MYH16: variants seen among roughly 807,000 people sequenced by gnomAD.
MYH16 encodes the protein myosin heavy chain 16, also known as putative uncharacterized protein MYH16.
intron 17 of MYH16, among the ~76,000 whole-genome samples, chr7:99,265,843 T>C (rs369705196): frequency 3.9e-5 from 6 of 152,154 alleles, no homozygotes; most frequent in South Asian, 4.1e-4. Flanking sequence ...TCAGAAGAGA[T>C]TGGGCATGTT....
At chr7:99,295,064 G>A (rs965995793) in intron 33 of MYH16, among the ~76,000 whole-genome samples, 6 of 151,738 alleles carry the variant, frequency 4.0e-5, no homozygotes, top group Non-Finnish European at 7.4e-5. Flanking sequence ...GTCACAAGCA[G>A]GGTAAAATTT....
At chr7:99,269,555 C>A (rs1015147317) in intron 18 of MYH16, among the ~76,000 whole-genome samples, 2 of 152,170 alleles carry the variant, frequency 1.3e-5, no homozygotes, top group Non-Finnish European at 2.9e-5. Flanking sequence ...GGATTACAGG[C>A]ATAAGCCACA....
At chr7:99,293,005 G>A (rs891024975) in intron 32 of MYH16, among the ~76,000 whole-genome samples, 1 of 152,008 alleles carries the variant, frequency 6.6e-6, no homozygotes, top group Non-Finnish European at 1.5e-5. Context: ...GAGGAAATAA[G>A]GGGGGACATG....
chr7:99,295,383 A>G (rs1452568242), intron 33 of MYH16, among the ~76,000 whole-genome samples: 1 of 152,024 alleles, frequency 6.6e-6, no homozygotes, highest in East Asian at 1.9e-4. Context: ...GCTCCAAAAA[A>G]AAAAGAAAAG....
At chr7:99,271,128 G>A (rs1792041237) in intron 19 of MYH16, 1 of 152,644 alleles carries the variant, frequency 6.6e-6, no homozygotes. Context: ...AAGGCCCAGA[G>A]GAGCCACACG....
chr7:99,268,784 A>T (rs1792016698), intron 18 of MYH16, among the ~76,000 whole-genome samples: 1 of 152,218 alleles, frequency 6.6e-6, no homozygotes, highest in African/African-American at 2.4e-5. Context: ...TTATGACATC[A>T]AGCCTGATTT....
At chr7:99,284,931 AC>A (rs1792257089) in exon 26 of MYH16, 3 of 456,576 alleles carry the variant, frequency 6.6e-6, no homozygotes, top group South Asian at 4.6e-5. Context: ...CTGAAGGAGC[AC>A]CAGGTATGTC....
intron 33 of MYH16, among the ~76,000 whole-genome samples, chr7:99,294,550 A>G (rs1227003345): frequency 1.6e-5 from 2 of 121,878 alleles, no homozygotes; most frequent in Non-Finnish European, 3.1e-5. Flanking sequence ...AAAAAGAAAA[A>G]AAAAATATAT....
intron 6 of MYH16, among the ~76,000 whole-genome samples, chr7:99,251,650 A>G (rs1032847502): frequency 1.3e-5 from 2 of 152,144 alleles, no homozygotes; most frequent in African/African-American, 4.8e-5. Context: ...ACATTTCTCA[A>G]TAAAGAAAAG....
At chr7:99,277,041 CAGAGAGAGAGAGAG>C (rs759630486) in intron 20 of MYH16, among the ~76,000 whole-genome samples, 6 of 115,402 alleles carry the variant, frequency 5.2e-5, no homozygotes, top group African/African-American at 4.2e-4. Flanking sequence ...GAGAGAGACA[CAGAGAGAGAGAGAG>C]ACACAGAGAG....
intron 23 of MYH16, among the ~76,000 whole-genome samples, chr7:99,281,836 CAG>C (rs1379421938): frequency 6.6e-6 from 1 of 152,182 alleles, no homozygotes; most frequent in South Asian, 2.1e-4. Context: ...TCCAGAGAAA[CAG>C]GGGCAAAGAG....
chr7:99,309,072 A>G (rs1016705932), downstream of MYH16, among the ~76,000 whole-genome samples: 16 of 152,212 alleles, frequency 1.1e-4, no homozygotes, highest in Non-Finnish European at 1.9e-4. Context: ...TGACTTGCTC[A>G]TGGTCACACA....
At chr7:99,244,667 G>A (rs1014051162) in intron 2 of MYH16, among the ~76,000 whole-genome samples, 1 of 152,170 alleles carries the variant, frequency 6.6e-6, no homozygotes, top group Non-Finnish European at 1.5e-5. Context: ...ATAGCCCCAG[G>A]TGTTGCTGGA....
chr7:99,279,167 G>C (rs1160335413), intron 21 of MYH16, among the ~76,000 whole-genome samples: 1 of 151,884 alleles, frequency 6.6e-6, no homozygotes, highest in African/African-American at 2.4e-5. Flanking sequence ...CCCCAGCCTG[G>C]GTGACAGAGT....
chr7:99,251,116 T>C (rs1172802272), exon 6 of MYH16: 1 of 220,276 alleles, frequency 4.5e-6, no homozygotes, highest in African/African-American at 2.3e-5. Flanking sequence ...GATCAAGTCA[T>C]CCAGGCAAAC....
intron 21 of MYH16, among the ~76,000 whole-genome samples, chr7:99,279,142 G>A (rs986490749): frequency 3.3e-5 from 5 of 152,094 alleles, no homozygotes; most frequent in Admixed American, 2.0e-4. Context: ...AGTGAGCCAT[G>A]ATTGTGCCAC....
exon 2 of MYH16, chr7:99,243,399 G>C (rs150584816): frequency 6.5e-6 from 1 of 152,678 alleles, no homozygotes; most frequent in Non-Finnish European, 1.5e-5. Context: ...CTGCGCCAAC[G>C]CTACACCAAC....
At chr7:99,258,518 G>T (rs573318974) in intron 11 of MYH16, 2 of 152,320 alleles carry the variant, frequency 1.3e-5, no homozygotes, top group Non-Finnish European at 2.9e-5. Flanking sequence ...GACCAATCTC[G>T]GTTTGCCACT....
chr7:99,269,898 G>T (rs1792027969), intron 18 of MYH16, among the ~76,000 whole-genome samples: 2 of 136,584 alleles, frequency 1.5e-5, no homozygotes, highest in Admixed American at 7.4e-5. Context: ...TTTTGAGACG[G>T]AGTCTCACTC....
Sources: allele counts gnomAD v4.1 joint callset (sites outside exome capture counted in the v4.1 genomes callset), GRCh38; gene constraint gnomAD v4.1.1; transcripts MANE v1.5; gene names NCBI Gene and HGNC (gene_info 2026-07-23, HGNC 2026-07-21).